TWSG1: variants seen among roughly 807,000 people sequenced by gnomAD.
TWSG1 encodes the protein twisted gastrulation BMP signaling modulator 1.
In TWSG1, 15 loss-of-function variants were observed where a neutral mutation model predicts 23.0. That is an observed-to-expected ratio of 0.65 (90% CI 0.44 to 1.00). The LOEUF (loss-of-function observed/expected upper bound fraction) is 1.00. TWSG1 is among the 50% of genes least tolerant of loss of function. The pLI is 0.00. For missense variants in TWSG1, 242 were observed against 278.7 expected, an observed-to-expected ratio of 0.87 and a Z score of 0.94; for synonymous variants, 86 against 92.8, an observed-to-expected ratio of 0.93 and a Z score of 0.42.
At chr18:9,356,365 G>A (rs112029835) in intron 2 of TWSG1, among the ~76,000 whole-genome samples, 136 of 152,222 alleles carry the variant, frequency 8.9e-4, no homozygotes, top group African/African-American at 3.1e-3. Flanking sequence ...CTGTTTGTTC[G>A]CAGTAATCTC....
chr18:9,382,250 G>A (rs1163381602), intron 3 of TWSG1, among the ~76,000 whole-genome samples: 1 of 152,182 alleles, frequency 6.6e-6, no homozygotes, highest in Admixed American at 6.5e-5. Flanking sequence ...GTGGCTGGGA[G>A]TGGTGGCTCA....
intron 3 of TWSG1, among the ~76,000 whole-genome samples, chr18:9,385,229 A>G (rs1455549522): frequency 2.0e-5 from 3 of 152,218 alleles, no homozygotes; most frequent in Non-Finnish European, 2.9e-5. Context: ...AAGAAATTGG[A>G]GAATTTCTTT....
Position 9,399,806 on chromosome 18 carries a change from T to G in TWSG1, c.*279T>G, listed in dbSNP as rs1469593710. 4.0e-6 allele frequency: 1 copy of G among 249,242 alleles called. No homozygotes were observed. Among genetic ancestry groups the G allele is most frequent in the African/African-American group, 2.2e-5 (1 of 44,710 alleles). 15.4% of individuals were successfully genotyped at this position (249,242 alleles called of 1,614,324 possible). Reference sequence around the variant, plus strand: ...GGTGCGCAGAGAATTCCTTGAAAGATCTGAGGTTTTTAACATGAAGTCTGA... The same window carrying G: ...GGTGCGCAGAGAATTCCTTGAAAGAGCTGAGGTTTTTAACATGAAGTCTGA... On this transcript the variant is annotated 3_prime_UTR_variant, in exon 5 of 5. Coordinates refer to ENST00000262120, the MANE Select transcript of TWSG1 (RefSeq NM_020648.6).
intron 2 of TWSG1, among the ~76,000 whole-genome samples, chr18:9,347,976 G>A (rs765532665): frequency 1.3e-4 from 20 of 151,904 alleles, no homozygotes; most frequent in Non-Finnish European, 2.2e-4. Context: ...TCTTTTTTAT[G>A]TGTCAGGATT....
chr18:9,343,637 TGGACATTTAATATGAATG>T (rs1277426399), intron 2 of TWSG1, among the ~76,000 whole-genome samples: 2 of 152,168 alleles, frequency 1.3e-5, no homozygotes, highest in African/African-American at 4.8e-5. Flanking sequence ...ATGCTTGTTC[TGGACATTTAATATGAATG>T]GAATCATACC....
At chr18:9,394,205 G>A (rs1368796081) in intron 3 of TWSG1, among the ~76,000 whole-genome samples, 1 of 152,148 alleles carries the variant, frequency 6.6e-6, no homozygotes, top group African/African-American at 2.4e-5. Flanking sequence ...TATACTCAAT[G>A]GAATGCTATT....
intron 2 of TWSG1, among the ~76,000 whole-genome samples, chr18:9,358,047 C>T (rs924399448): frequency 6.6e-6 from 1 of 152,104 alleles, no homozygotes; most frequent in African/African-American, 2.4e-5. Context: ...AAGCCTACTC[C>T]AATTGATATG....
chr18:9,345,042 A>G (rs1003258677), intron 2 of TWSG1, among the ~76,000 whole-genome samples: 3 of 152,190 alleles, frequency 2.0e-5, no homozygotes, highest in Non-Finnish European at 4.4e-5. Context: ...TACAGGTGTG[A>G]GCCACCATGC....
chr18:9,377,209 G>GT (rs2040634425), intron 3 of TWSG1, among the ~76,000 whole-genome samples: 1 of 151,358 alleles, frequency 6.6e-6, no homozygotes, highest in South Asian at 2.1e-4. Flanking sequence ...AGTCTGTTTT[G>GT]TTTTTCTTTT....
intron 3 of TWSG1, among the ~76,000 whole-genome samples, chr18:9,365,813 C>T (rs1382160217): frequency 3.3e-5 from 5 of 151,940 alleles, no homozygotes; most frequent in African/African-American, 9.7e-5. Context: ...TCAGCCTGGG[C>T]GACACAGGGA....
intron 3 of TWSG1, among the ~76,000 whole-genome samples, chr18:9,378,817 C>CAAAAAAAAAAA (rs879853950): frequency 7.2e-6 from 1 of 138,546 alleles, no homozygotes. Flanking sequence ...CAAAAAATAC[C>CAAAAAAAAAAA]AAAAAAAAAA....
intron 2 of TWSG1, among the ~76,000 whole-genome samples, chr18:9,355,706 T>A (rs139647496): frequency 2.4e-4 from 36 of 152,334 alleles, no homozygotes; most frequent in African/African-American, 8.2e-4. Context: ...ATGCCATCTA[T>A]TAAATTTGCC....
intron 3 of TWSG1, among the ~76,000 whole-genome samples, chr18:9,377,463 C>T (rs2145621923): frequency 6.6e-6 from 1 of 152,248 alleles, no homozygotes; most frequent in South Asian, 2.1e-4. Flanking sequence ...AAGTGATCTG[C>T]CCGCCTTGGC....
chr18:9,365,878 T>C (rs1334338890), intron 3 of TWSG1, among the ~76,000 whole-genome samples: 1 of 115,892 alleles, frequency 8.6e-6, no homozygotes, highest in East Asian at 3.0e-4. Context: ...TAATGATGCA[T>C]GCCTGTAGTC....
At chr18:9,392,085 G>A (rs2040715505) in intron 3 of TWSG1, among the ~76,000 whole-genome samples, 1 of 152,190 alleles carries the variant, frequency 6.6e-6, no homozygotes, top group African/African-American at 2.4e-5. Flanking sequence ...TAGTAAATTA[G>A]CATTGGCTTC....
chr18:9,340,800 C>T (rs1429125199), intron 2 of TWSG1, among the ~76,000 whole-genome samples: 1 of 152,176 alleles, frequency 6.6e-6, no homozygotes, highest in African/African-American at 2.4e-5. Flanking sequence ...TAGAATCTAG[C>T]CATACGTGGC....
intron 2 of TWSG1, among the ~76,000 whole-genome samples, chr18:9,339,958 G>A (rs933072988): frequency 6.6e-6 from 1 of 152,280 alleles, no homozygotes; most frequent in East Asian, 1.9e-4. Flanking sequence ...ACAAATTCAT[G>A]GATGCTGACA....
intron 3 of TWSG1, among the ~76,000 whole-genome samples, chr18:9,388,746 G>T (rs2040697426): frequency 6.6e-6 from 1 of 152,194 alleles, no homozygotes; most frequent in Admixed American, 6.5e-5. Context: ...TTTAGAGACA[G>T]GGTCTCACGA....
intron 2 of TWSG1, among the ~76,000 whole-genome samples, chr18:9,355,941 G>A (rs2040525139): frequency 6.6e-6 from 1 of 152,138 alleles, no homozygotes; most frequent in African/African-American, 2.4e-5. Context: ...CTTAATTTAT[G>A]GTGATTAAAT....
Sources: allele counts gnomAD v4.1 joint callset (sites outside exome capture counted in the v4.1 genomes callset), GRCh38; gene constraint gnomAD v4.1.1; transcripts MANE v1.5; gene names NCBI Gene and HGNC (gene_info 2026-07-23, HGNC 2026-07-21).